DCBLD2: variants seen among roughly 807,000 people sequenced by gnomAD.
DCBLD2 encodes the protein discoidin, CUB and LCCL domain-containing protein 2.
Under a neutral mutation model 86.8 loss-of-function variants are expected in DCBLD2, and 54 were observed. The observed-to-expected ratio is 0.62, with a 90% confidence interval of 0.50 to 0.78. The LOEUF (loss-of-function observed/expected upper bound fraction) is 0.78. Among genes scored for constraint, DCBLD2 ranks in the 30% least tolerant of loss-of-function variants. DCBLD2 has a pLI of 0.00. For missense variants in DCBLD2, 908 were observed against 954.2 expected (o/e 0.95, Z 0.64); for synonymous variants, 354 against 341.3 (o/e 1.04, Z -0.41).
At chr3:98,875,635 A>G (rs1439467547) in intron 2 of DCBLD2, among the ~76,000 whole-genome samples, 1 of 152,212 alleles carries the variant, frequency 6.6e-6, no homozygotes, top group Non-Finnish European at 1.5e-5. Context: ...ACTAAGCCCT[A>G]TCAGGCATTA....
At chr3:98,842,535 T>C (rs916553390) in intron 3 of DCBLD2, among the ~76,000 whole-genome samples, 3 of 152,200 alleles carry the variant, frequency 2.0e-5, no homozygotes, top group African/African-American at 4.8e-5. Context: ...TTTTACCTCT[T>C]CTCTCCTTTT....
chr3:98,832,724 T>TG (rs1942345766), intron 3 of DCBLD2, among the ~76,000 whole-genome samples: 1 of 152,220 alleles, frequency 6.6e-6, no homozygotes, highest in Non-Finnish European at 1.5e-5. Context: ...ATGAAATTCT[T>TG]GAAGATTTTT....
chr3:98,849,488 C>T lies in DCBLD2; in HGVS notation c.544G>A (p.Ala182Thr), dbSNP rs180752673. 2.8e-4 allele frequency: 456 copies of T among 1,613,834 alleles called. 1 individual carries two copies. Among genetic ancestry groups the T allele is most frequent in the Non-Finnish European group, 3.6e-4 (425 of 1,179,846 alleles). Residue 182 changes from alanine to threonine, a missense_variant, in exon 3 of 16, where the codon GCC becomes ACC. Ala to Thr is a moderately conservative substitution (Grantham distance 58). Around this residue, in one of 3 missense-constraint regions of DCBLD2, gnomAD observed 294 missense variants for 256.0 expected, o/e 1.15. Coordinates refer to ENST00000326840, the MANE Select transcript of DCBLD2 (RefSeq NM_080927.4). ...TGTTTATCTATAACAGAGTATGAGG[C>T]CAAAAATCCGCGTCCAGAAACATGG... ...GIHVSGRGFL[A>T]SYSVIDKQDL...
chr3:98,857,332 C>T (rs984088769), intron 2 of DCBLD2, among the ~76,000 whole-genome samples: 2 of 152,076 alleles, frequency 1.3e-5, no homozygotes, highest in Non-Finnish European at 2.9e-5. Context: ...AAGAACAAAG[C>T]TTCCACAGTG....
intron 2 of DCBLD2, among the ~76,000 whole-genome samples, chr3:98,876,130 T>C (rs900259601): frequency 3.3e-5 from 5 of 151,738 alleles, no homozygotes; most frequent in Admixed American, 2.0e-4. Context: ...ACTGACAAAT[T>C]AGGAGAAATT....
At chr3:98,816,136 G>A (rs1942018461) in intron 9 of DCBLD2, 1 of 147,010 alleles carries the variant, frequency 6.8e-6, no homozygotes, top group African/African-American at 2.5e-5. Flanking sequence ...CAGAAAAAAA[G>A]ACATATCACA....
chr3:98,801,184 G>A (rs1941711821), intron 14 of DCBLD2: 1 of 237,568 alleles, frequency 4.2e-6, no homozygotes, highest in African/African-American at 2.2e-5. Context: ...CTCATCATGG[G>A]AGACCTCCCG....
rs1485789109 is a variant in DCBLD2, at chr3:98,797,198, G to A, written c.*2174C>T. 6.6e-6 allele frequency: 1 copy of A among 151,450 alleles called. No homozygotes were observed. The highest frequency in any genetic ancestry group is 1.5e-5 in the Non-Finnish European group (1 of 67,792). 9.4% of individuals were successfully genotyped at this position (151,450 alleles called of 1,614,324 possible). ...ACTAGATATTTTATAAAAATTATTGGTAGTTCAAGGATAGCACAGTGGCAA... is the reference window on the plus strand; with the variant it reads ...ACTAGATATTTTATAAAAATTATTGATAGTTCAAGGATAGCACAGTGGCAA... On this transcript the variant is annotated 3_prime_UTR_variant, in exon 16 of 16. Transcript: ENST00000326840.
At chr3:98,805,329 C>A (rs990087950) in intron 13 of DCBLD2, among the ~76,000 whole-genome samples, 5 of 152,038 alleles carry the variant, frequency 3.3e-5, no homozygotes, top group African/African-American at 1.2e-4. Flanking sequence ...ACACCTTTCT[C>A]CCTGAAAATG....
chr3:98,892,396 A>G (rs2439224), intron 1 of DCBLD2, among the ~76,000 whole-genome samples: 18,895 of 152,042 alleles, frequency 0.12, 1,509 homozygotes, highest in Middle Eastern at 0.23. Context: ...GGTGCTCTGC[A>G]GTTTCCCAAC....
intron 3 of DCBLD2, among the ~76,000 whole-genome samples, chr3:98,836,530 T>G (rs959873996): frequency 6.6e-6 from 1 of 151,742 alleles, no homozygotes; most frequent in Non-Finnish European, 1.5e-5. Context: ...GATTTCTCAA[T>G]CTTTTCCCCA....
At position 98,797,750 on chromosome 3, in the gene DCBLD2, TAC is replaced by T. The variant is rs1452222991; in HGVS notation, c.*1620_*1621del. The T allele has an allele frequency of 6.6e-6, 1 of 152,236 alleles. No homozygotes were observed. Among genetic ancestry groups the T allele is most frequent in the African/African-American group, 2.4e-5 (1 of 41,462 alleles). 9.4% of individuals were successfully genotyped at this position (152,236 alleles called of 1,614,324 possible). ...CTCTTTCTGAAGCGATGTTTTAGAA[TAC>T]TGATATAATTCATGGAAACAAGAAA... is the stretch of plus-strand genomic sequence containing the variant. On this transcript the variant is annotated 3_prime_UTR_variant, in exon 16 of 16. Coordinates refer to ENST00000326840, the MANE Select transcript of DCBLD2 (RefSeq NM_080927.4).
chr3:98,843,120 TG>T (rs1330540873), intron 3 of DCBLD2, among the ~76,000 whole-genome samples: 1 of 152,284 alleles, frequency 6.6e-6, no homozygotes, highest in East Asian at 1.9e-4. Context: ...TCTGCAAAAT[TG>T]GTAACACTTT....
intron 3 of DCBLD2, among the ~76,000 whole-genome samples, chr3:98,839,863 C>T (rs2107473255): frequency 6.6e-6 from 1 of 152,272 alleles, no homozygotes; most frequent in South Asian, 2.1e-4. Flanking sequence ...ATTTTAAGTA[C>T]AGTGGTCAGA....
At chr3:98,840,364 C>T (rs150231140) in intron 3 of DCBLD2, among the ~76,000 whole-genome samples, 3 of 152,084 alleles carry the variant, frequency 2.0e-5, no homozygotes, top group African/African-American at 7.2e-5. Context: ...CTGGACTGAG[C>T]AACTTAAAAG....
chr3:98,827,049 CTG>C (rs1421167479), intron 3 of DCBLD2, among the ~76,000 whole-genome samples: 1 of 152,080 alleles, frequency 6.6e-6, no homozygotes, highest in Non-Finnish European at 1.5e-5. Flanking sequence ...AGCTTAATAA[CTG>C]TGTTGTACCA....
intron 1 of DCBLD2, among the ~76,000 whole-genome samples, chr3:98,893,056 C>T (rs1328185616): frequency 6.6e-6 from 1 of 151,954 alleles, no homozygotes; most frequent in Admixed American, 6.6e-5. Flanking sequence ...TCTCACTGAG[C>T]TGGGGGTGGA....
chr3:98,811,310 G>C lies in DCBLD2; in HGVS notation c.1460C>G (p.Pro487Arg). 6.2e-7 allele frequency: 1 copy of C among 1,611,642 alleles called. No individual in the cohort carries two copies. The highest frequency in any genetic ancestry group is 8.5e-7 in the Non-Finnish European group (1 of 1,179,114). The change falls in exon 12 of 16, where the codon CCA (proline) becomes CGA (arginine). Residue 487 changes from proline (P) to arginine (R), a missense_variant. Physicochemically the swap from Pro to Arg is moderately radical, Grantham distance 103. Around this residue, in one of 3 missense-constraint regions of DCBLD2, gnomAD observed 606 missense variants for 678.5 expected, o/e 0.89. Transcript: ENST00000326840. ...APPKIAKGRAPKFTQPLQPRS... is the reference protein window; with the variant it reads ...APPKIAKGRARKFTQPLQPRS... ...AGGTTGTAGTGGTTGCGTAAATTTT[G>C]GGGCACGACCTTTAAAAAAGTTTCA... is the stretch of plus-strand genomic sequence containing the variant.
Position 98,820,380 on chromosome 3 carries a change from C to G in DCBLD2, c.831-92G>C, listed in dbSNP as rs1030605532. The G allele has an allele frequency of 5.7e-5, 56 of 974,562 alleles. No homozygotes were observed. In the East Asian group the frequency reaches 6.5e-4, roughly 11 times the overall value. The allele number at this position is 974,562 out of a possible 1,614,324, so 60.4% of individuals were successfully genotyped here. The stretch of plus-strand genomic sequence containing the variant: ...CATTTTCTTTTGATTTGGTTCCCCC[C>G]ACCCAATAAAAGAACCAAGAAGACT... On this transcript the variant is annotated intron_variant, in intron 6 of 15. Coordinates refer to ENST00000326840, the MANE Select transcript of DCBLD2 (RefSeq NM_080927.4).
Sources: gnomAD v4.1 joint callset for allele counts (sites outside exome capture counted in the v4.1 genomes callset) on GRCh38, gnomAD v4.1.1 for gene constraint, gnomAD v4.1.1 regional missense constraint, MANE v1.5 for transcripts, NCBI Gene and HGNC (gene_info 2026-07-23, HGNC 2026-07-21) for gene names.